Variants in TMEM117 observed in about 807,000 individuals in gnomAD.
TMEM117 encodes the protein transmembrane protein 117.
Under a neutral mutation model 52.4 loss-of-function variants are expected in TMEM117, and 27 were observed. That is an observed-to-expected ratio of 0.51 (90% CI 0.38 to 0.71). The LOEUF (loss-of-function observed/expected upper bound fraction) is 0.71, where lower values mean the gene tolerates loss of function less well. Ranked by LOEUF, TMEM117 falls within the 30% of genes least tolerant of loss-of-function variation. The pLI is 0.00. For synonymous variants in TMEM117, 215 were observed against 206.3 expected (o/e 1.04, Z -0.36); for missense variants, 556 against 630.5 (o/e 0.88, Z 1.26).
At chr12:44,338,847 T>G (rs1951378011) in intron 6 of TMEM117, among the ~76,000 whole-genome samples, 1 of 152,106 alleles carries the variant, frequency 6.6e-6, no homozygotes, top group African/African-American at 2.4e-5. Flanking sequence ...CTAGCTAGTT[T>G]AAGTAGAAAG....
chr12:44,322,416 G>T (rs930387672), intron 6 of TMEM117, among the ~76,000 whole-genome samples: 5 of 152,082 alleles, frequency 3.3e-5, no homozygotes, highest in Non-Finnish European at 1.5e-5. Flanking sequence ...TCTCAGAGTT[G>T]CAGAAAGCTT....
At chr12:43,899,600 T>G (rs1414047600) in intron 2 of TMEM117, among the ~76,000 whole-genome samples, 1 of 150,076 alleles carries the variant, frequency 6.7e-6, no homozygotes, top group Non-Finnish European at 1.5e-5. Context: ...ACAGAAGATC[T>G]TTGAAATTCA....
intron 3 of TMEM117, among the ~76,000 whole-genome samples, chr12:44,085,373 G>T (rs1462560308): frequency 6.6e-6 from 1 of 152,142 alleles, no homozygotes; most frequent in Non-Finnish European, 1.5e-5. Flanking sequence ...ATTAAGAAAT[G>T]TAGATACAGA....
At chr12:44,285,733 A>G (rs568157982) in intron 5 of TMEM117, among the ~76,000 whole-genome samples, 1 of 152,328 alleles carries the variant, frequency 6.6e-6, no homozygotes, top group Admixed American at 6.5e-5. Context: ...TGAGGTGACA[A>G]TATTGATCAT....
In TMEM117 at chr12:44,121,239, G is replaced by A. The variant is rs28633698; in HGVS notation, c.411-22286G>A. 4.2e-3 allele frequency among the ~76,000 whole-genome samples: 646 copies of A among 152,310 alleles called. 6 individuals carry two copies. Among genetic ancestry groups the A allele is most frequent in the African/African-American group, 0.015 (617 of 41,568 alleles). ...GGAGTACAAGATGAGATTTTTGGGGGAGGAGTCACAGAGCCAAACCGTATC... is the reference window on the plus strand; with the variant it reads ...GGAGTACAAGATGAGATTTTTGGGGAAGGAGTCACAGAGCCAAACCGTATC... On this transcript the variant is annotated intron_variant, in intron 3 of 7. Coordinates refer to ENST00000266534, the MANE Select transcript of TMEM117 (RefSeq NM_032256.3).
intron 4 of TMEM117, among the ~76,000 whole-genome samples, chr12:44,177,690 C>G (rs570760508): frequency 6.6e-6 from 1 of 152,118 alleles, no homozygotes; most frequent in Non-Finnish European, 1.5e-5. Context: ...TGGGTATGAA[C>G]TGATTAAAAT....
chr12:44,234,307 T>C (rs1949968258), intron 5 of TMEM117, among the ~76,000 whole-genome samples: 1 of 151,466 alleles, frequency 6.6e-6, no homozygotes, highest in African/African-American at 2.4e-5. Flanking sequence ...CATATTCTAT[T>C]TCTGTCTTCA....
intron 3 of TMEM117, among the ~76,000 whole-genome samples, chr12:44,017,252 T>TGTGTGTGTGTGTGTGTGTG (rs1565793575): frequency 7.3e-5 from 11 of 151,686 alleles, no homozygotes; most frequent in African/African-American, 1.7e-4. Context: ...TGTGTGTGTG[T>TGTGTGTGTGTGTGTGTGTG]TTTAGGTGAT....
intron 3 of TMEM117, among the ~76,000 whole-genome samples, chr12:44,021,816 T>C (rs1018692172): frequency 4.6e-5 from 7 of 152,200 alleles, no homozygotes; most frequent in Admixed American, 6.6e-5. Context: ...TTCTGAGTAG[T>C]GACCACCTGC....
At chr12:43,955,787 A>G (rs1945296366) in intron 3 of TMEM117, among the ~76,000 whole-genome samples, 1 of 152,226 alleles carries the variant, frequency 6.6e-6, no homozygotes, top group South Asian at 2.1e-4. Flanking sequence ...AGAAAAATCT[A>G]TTTTAAAATT....
the TMEM117 span, among the ~76,000 whole-genome samples, chr12:43,812,753 C>A: frequency 6.6e-6 from 1 of 151,412 alleles, no homozygotes; most frequent in Non-Finnish European, 1.5e-5. Flanking sequence ...TGCCTGTAAT[C>A]GCAGGACTTT....
chr12:44,249,366 A>G (rs529440207), intron 5 of TMEM117, among the ~76,000 whole-genome samples: 3 of 152,128 alleles, frequency 2.0e-5, no homozygotes, highest in Non-Finnish European at 4.4e-5. Context: ...AGATTTTGAG[A>G]GGGTTCCATG....
chr12:44,042,294 G>GTT (rs534762729), intron 3 of TMEM117, among the ~76,000 whole-genome samples: 1 of 139,676 alleles, frequency 7.2e-6, no homozygotes, highest in African/African-American at 2.6e-5. Context: ...TATGTTTTTG[G>GTT]TTTTTTTTTT....
intron 4 of TMEM117, among the ~76,000 whole-genome samples, chr12:44,195,694 C>T (rs1255279671): frequency 6.6e-6 from 1 of 152,038 alleles, no homozygotes. Context: ...AAGAAAGATA[C>T]TACCTAATGA....
intron 3 of TMEM117, among the ~76,000 whole-genome samples, chr12:44,012,021 T>C (rs1946299530): frequency 6.6e-6 from 1 of 152,168 alleles, no homozygotes; most frequent in Admixed American, 6.5e-5. Context: ...TTGTAGAATT[T>C]TTCATTTAAT....
chr12:44,385,727 G>A (rs777199434), intron 7 of TMEM117, among the ~76,000 whole-genome samples: 2 of 152,090 alleles, frequency 1.3e-5, no homozygotes, highest in African/African-American at 2.4e-5. Context: ...ATAAAGCTCC[G>A]ACAACAGAGG....
the TMEM117 span, among the ~76,000 whole-genome samples, chr12:43,815,412 T>C: frequency 2.0e-5 from 3 of 152,298 alleles, no homozygotes; most frequent in African/African-American, 7.2e-5. Flanking sequence ...ACACCAGTTG[T>C]CTTAGTTCTG....
intron 3 of TMEM117, among the ~76,000 whole-genome samples, chr12:44,029,817 G>C (rs1946604574): frequency 6.6e-6 from 1 of 152,186 alleles, no homozygotes; most frequent in South Asian, 2.1e-4. Flanking sequence ...TTTCAAGATA[G>C]CCCAGCAAAC....
chr12:44,025,439 A>G (rs1276168554), intron 3 of TMEM117, among the ~76,000 whole-genome samples: 1 of 152,198 alleles, frequency 6.6e-6, no homozygotes, highest in Non-Finnish European at 1.5e-5. Flanking sequence ...TTTTAGGAAA[A>G]TAAACTCTAT....
Sources: allele counts gnomAD v4.1 joint callset (sites outside exome capture counted in the v4.1 genomes callset), GRCh38; gene constraint gnomAD v4.1.1; transcripts MANE v1.5; gene names NCBI Gene and HGNC (gene_info 2026-07-23, HGNC 2026-07-21).